Variants in FLNB observed in about 807,000 individuals in gnomAD.
The protein encoded by FLNB is filamin-B.
In FLNB, 111 loss-of-function variants were observed where a neutral mutation model predicts 250.6. The observed-to-expected ratio is 0.44, with a 90% CI of 0.38 to 0.52. FLNB has a LOEUF of 0.52. Ranked by LOEUF, FLNB falls within the 20% of genes least tolerant of loss-of-function variation. The pLI is 0.00. For synonymous variants in FLNB, 1,302 were observed against 1,372.1 expected, an observed-to-expected ratio of 0.95 and a Z score of 1.13; for missense variants, 2,869 against 3,447.8, an observed-to-expected ratio of 0.83 and a Z score of 4.20.
intron 1 of FLNB, among the ~76,000 whole-genome samples, chr3:58,010,714 C>T (rs184024009): frequency 3.3e-5 from 5 of 152,252 alleles, no homozygotes; most frequent in East Asian, 1.9e-4. Flanking sequence ...TATCCAAATA[C>T]GACATGAAAT....
In FLNB at chr3:58,126,594, C is replaced by T. The variant is rs369254062; in HGVS notation, c.4062-8C>T. 73 of 1,613,494 alleles carry T rather than the reference C, an allele frequency of 4.5e-5. No individual in the cohort carries two copies. The highest frequency in any genetic ancestry group is 6.1e-5 in the Non-Finnish European group (72 of 1,179,680). On this transcript the variant is annotated splice_region_variant and splice_polypyrimidine_tract_variant and intron_variant, in intron 23 of 45. Transcript: ENST00000295956. ...TGCACATTTCACTTTCTTTTCCACT[C>T]TTTCCAGAGGCGCAGGAATTGGTGG... is the stretch of plus-strand genomic sequence containing the variant.
Position 58,169,918 on chromosome 3 carries a change from G to T in FLNB, c.7621+125G>T. On this transcript the variant is annotated intron_variant, in intron 45 of 45. Coordinates refer to ENST00000295956, the MANE Select transcript of FLNB (RefSeq NM_001457.4). The surrounding 1 kb of genome is among the most constrained non-coding windows in gnomAD (Gnocchi z 4.8). ...CCCCATGTAGGCCAGCCGTTTGCAA[G>T]TAACCATCGTCATGACCCTGTTCTC... 1.5e-6 allele frequency: 1 copy of T among 662,476 alleles called. No individual in the cohort carries two copies. Among genetic ancestry groups the T allele is most frequent in the Non-Finnish European group, 2.7e-6 (1 of 374,716 alleles). 41.0% of individuals were successfully genotyped at this position (662,476 alleles called of 1,614,324 possible). A position where few individuals can be genotyped will look rare whatever the true frequency, so the allele number is the denominator to read the frequency against.
intron 1 of FLNB, among the ~76,000 whole-genome samples, chr3:58,038,324 C>T (rs185507654): frequency 7.9e-5 from 12 of 152,060 alleles, no homozygotes; most frequent in East Asian, 7.8e-4. Flanking sequence ...CCACCATGCT[C>T]GGCCTGTTCT....
At chr3:58,131,565 G>A (rs1015362047) in intron 25 of FLNB, among the ~76,000 whole-genome samples, 6 of 152,204 alleles carry the variant, frequency 3.9e-5, no homozygotes, top group Non-Finnish European at 7.3e-5. Context: ...CCCACATAGA[G>A]GACAGTGTGC....
chr3:58,123,702 TTAAAAAA>T lies in FLNB; in HGVS notation c.3724+13_3724+19del, dbSNP rs1559710910. On this transcript the variant is annotated intron_variant, in intron 21 of 45. Transcript: ENST00000295956. ...AATAGAAGGGAAAGGTGGGTTTCAT[TTAAAAAA>T]AAAAAAAAAAAAAAAAAGACAAGCT... 1 of 1,406,654 alleles carries T rather than the reference TTAAAAAA, an allele frequency of 7.1e-7. No individual in the cohort carries two copies. The highest frequency in any genetic ancestry group is 2.0e-5 in the African/African-American group (1 of 50,088). The allele number at this position is 1,406,654 out of a possible 1,614,324, so 87.1% of individuals were successfully genotyped here.
At chr3:58,059,142 C>T (rs551442423) in intron 1 of FLNB, among the ~76,000 whole-genome samples, 1 of 152,126 alleles carries the variant, frequency 6.6e-6, no homozygotes, top group Non-Finnish European at 1.5e-5. Flanking sequence ...GCCACTGAAA[C>T]CCCCTTTTCT....
chr3:58,156,107 CCGCA>C, intron 41 of FLNB, 32 bp downstream of exon 41: 4 of 1,538,170 alleles, frequency 2.6e-6, no homozygotes, highest in Non-Finnish European at 3.6e-6. Flanking sequence ...ATCTCCTTGG[CCGCA>C]GGCCACCAGT....
In FLNB at chr3:58,170,714, G is replaced by A; in HGVS notation, c.7761G>A (p.Trp2587Ter). Residue 2587 changes from tryptophan (W) to a stop codon, truncating the protein, a stop_gained, in exon 46 of 46, where the codon TGG becomes TGA. Coordinates refer to ENST00000295956, the MANE Select transcript of FLNB (RefSeq NM_001457.4). LOFTEE classifies it high-confidence loss of function. ...GCGATTATGTGCTGGCTGTGAAGTG[G>A]GGGGAGGAACACATCCCTGGCAGCC... ...ERGDYVLAVK[W>*]GEEHIPGSPF... 1 of 1,614,142 alleles carries A rather than the reference G, an allele frequency of 6.2e-7. No homozygotes were observed.
Position 58,169,892 on chromosome 3 carries a change from C to T in FLNB, c.7621+99C>T, listed in dbSNP as rs866184752. The stretch of plus-strand genomic sequence containing the variant: ...CTGCTGAGGTCTCCTGCAGTGCCCA[C>T]CCCCATGTAGGCCAGCCGTTTGCAA... On this transcript the variant is annotated intron_variant, in intron 45 of 45. Coordinates refer to ENST00000295956, the MANE Select transcript of FLNB (RefSeq NM_001457.4). The surrounding 1 kb of genome is among the most constrained non-coding windows in gnomAD (Gnocchi z 4.8). 2.2e-6 allele frequency: 2 copies of T among 890,752 alleles called. No individual in the cohort carries two copies. Among genetic ancestry groups the T allele is most frequent in the Non-Finnish European group, 3.5e-6 (2 of 565,232 alleles). The allele number at this position is 890,752 out of a possible 1,614,324, so 55.2% of individuals were successfully genotyped here. A position where few individuals can be genotyped will look rare whatever the true frequency, so the allele number is the denominator to read the frequency against.
chr3:58,147,721 C>T (rs13059967), intron 34 of FLNB, among the ~76,000 whole-genome samples: 12,920 of 152,218 alleles, frequency 0.085, 687 homozygotes, highest in Non-Finnish European at 0.11. Flanking sequence ...GTTTTAGTGG[C>T]ATGATCTCGG....
At chr3:58,102,427 G>A in intron 9 of FLNB, 87 bp downstream of exon 9, 3 of 1,419,926 alleles carry the variant, frequency 2.1e-6, no homozygotes, top group Admixed American at 3.3e-5. Context: ...ACGGCCAGTT[G>A]TCCTCAATAA....
chr3:58,100,373 A>AATAT (rs1553696177), intron 8 of FLNB, among the ~76,000 whole-genome samples: 4 of 104,386 alleles, frequency 3.8e-5, no homozygotes, highest in Non-Finnish European at 7.1e-5. Context: ...GTAAAAAAAA[A>AATAT]ATATATATAT....
intron 34 of FLNB, among the ~76,000 whole-genome samples, chr3:58,147,637 G>A (rs2097337812): frequency 6.6e-6 from 1 of 152,156 alleles, no homozygotes; most frequent in Non-Finnish European, 1.5e-5. Context: ...GGTATGAGGT[G>A]CCTTCAACTA....
chr3:58,171,312 T>A lies in FLNB; in HGVS notation c.*550T>A, dbSNP rs2107349544. 1 of 160,052 alleles carries A rather than the reference T, an allele frequency of 6.2e-6. No homozygotes were observed. The highest frequency in any genetic ancestry group is 1.9e-4 in the South Asian group (1 of 5,392). 9.9% of individuals were successfully genotyped at this position (160,052 alleles called of 1,614,324 possible). Reference sequence around the variant, plus strand: ...CCAACACCCCCATGCTCTGTGGCCTTCTTACACTTCTCAGAGGGCAGAGTG... The same window carrying A: ...CCAACACCCCCATGCTCTGTGGCCTACTTACACTTCTCAGAGGGCAGAGTG... On this transcript the variant is annotated 3_prime_UTR_variant, in exon 46 of 46. Coordinates refer to ENST00000295956, the MANE Select transcript of FLNB (RefSeq NM_001457.4). The surrounding 1 kb of genome is among the most constrained non-coding windows in gnomAD (Gnocchi z 5.5).
At chr3:58,120,156 T>G (rs1011590683) in intron 19 of FLNB, among the ~76,000 whole-genome samples, 1 of 152,194 alleles carries the variant, frequency 6.6e-6, no homozygotes, top group Non-Finnish European at 1.5e-5. Flanking sequence ...GTGCACAAGT[T>G]GCAAGCAAGG....
At chr3:58,150,685 T>G in intron 38 of FLNB, 1 of 226,888 alleles carries the variant, frequency 4.4e-6, no homozygotes, top group South Asian at 6.6e-5. Flanking sequence ...ATCTAGCCCT[T>G]TGGTGGTGAA....
intron 32 of FLNB, among the ~76,000 whole-genome samples, chr3:58,144,691 G>T (rs528265968): frequency 6.6e-6 from 1 of 152,350 alleles, no homozygotes; most frequent in East Asian, 1.9e-4. Context: ...TTGCCCTTCA[G>T]AGGGGCTGTT....
In FLNB at chr3:58,158,325, T is replaced by C. The variant is rs529290577; in HGVS notation, c.6889-1229T>C. ...TGGCCAGAGGAACCAAGGAGCTGGA[T>C]GTTTAGTTTTATTTAAGTGCATTAA... On this transcript the variant is annotated intron_variant, in intron 41 of 45. Transcript: ENST00000295956. Among the ~76,000 whole-genome samples, 8 of 152,310 alleles carry C rather than the reference T, an allele frequency of 5.3e-5. No homozygotes were observed. The East Asian group carries it at 1.4e-3, about 26-fold the overall frequency.
chr3:58,133,105 A>G (rs1343376413), intron 26 of FLNB, among the ~76,000 whole-genome samples, 174 bp downstream of exon 26: 1 of 151,856 alleles, frequency 6.6e-6, no homozygotes, highest in Non-Finnish European at 1.5e-5. Context: ...CCATCCATCC[A>G]TCCATTCTTT....
Sources: allele counts gnomAD v4.1 joint callset (sites outside exome capture counted in the v4.1 genomes callset), GRCh38; gene constraint gnomAD v4.1.1; non-coding constraint Gnocchi (gnomAD v3.1); transcripts MANE v1.5; gene names NCBI Gene and HGNC (gene_info 2026-07-23, HGNC 2026-07-21).